The following PPP2R3A variants were observed in gnomAD, a reference collection of about 807,000 sequenced individuals.
PPP2R3A encodes the protein serine/threonine-protein phosphatase 2A regulatory subunit B'' subunit alpha.
PPP2R3A carries 80 observed loss-of-function variants against 106.9 expected under a neutral mutation model. The ratio of observed to expected loss-of-function variants is 0.75; its 90% confidence interval spans 0.62 to 0.90. PPP2R3A has a LOEUF of 0.90. PPP2R3A is among the 40% of genes least tolerant of loss of function. PPP2R3A has a pLI of 0.00. For missense variants in PPP2R3A, 1,386 were observed against 1,350.4 expected, an observed-to-expected ratio of 1.03 and a Z score of -0.41; for synonymous variants, 483 against 468.3, an observed-to-expected ratio of 1.03 and a Z score of -0.41.
At chr3:136,053,974 C>A (rs1314073534) in intron 5 of PPP2R3A, among the ~76,000 whole-genome samples, 1 of 151,878 alleles carries the variant, frequency 6.6e-6, no homozygotes, top group East Asian at 1.9e-4. Context: ...TAAAAAAACA[C>A]ATACACAGAA....
At chr3:136,010,572 G>A (rs1237924952) in intron 2 of PPP2R3A, among the ~76,000 whole-genome samples, 7 of 150,972 alleles carry the variant, frequency 4.6e-5, no homozygotes, top group African/African-American at 7.3e-5. Context: ...GACTACAGGC[G>A]CCCGCCACTA....
At chr3:136,018,461 T>C (rs996486808) in intron 2 of PPP2R3A, among the ~76,000 whole-genome samples, 2 of 152,224 alleles carry the variant, frequency 1.3e-5, no homozygotes, top group African/African-American at 4.8e-5. Flanking sequence ...AAAAGAATAT[T>C]ATAAATCACT....
At chr3:135,980,895 G>A (rs1211553199) in intron 1 of PPP2R3A, among the ~76,000 whole-genome samples, 6 of 151,826 alleles carry the variant, frequency 4.0e-5, no homozygotes, top group Non-Finnish European at 7.4e-5. Flanking sequence ...GAGTGGTAGC[G>A]GGGCATTTAC....
At chr3:135,967,933 A>T (rs2107741078) in intron 1 of PPP2R3A, among the ~76,000 whole-genome samples, 1 of 152,322 alleles carries the variant, frequency 6.6e-6, no homozygotes, top group Non-Finnish European at 1.5e-5. Flanking sequence ...AGGAATAGAT[A>T]CCAGTAGCAC....
At chr3:136,089,708 A>G (rs960554813) in intron 9 of PPP2R3A, among the ~76,000 whole-genome samples, 5 of 151,488 alleles carry the variant, frequency 3.3e-5, no homozygotes, top group African/African-American at 1.2e-4. Context: ...TGGCTATTTT[A>G]ACGATATTGA....
chr3:136,065,391 T>C (rs558223096), intron 5 of PPP2R3A, among the ~76,000 whole-genome samples: 1 of 152,252 alleles, frequency 6.6e-6, no homozygotes, highest in Admixed American at 6.5e-5. Flanking sequence ...GGTAGGTTAG[T>C]AGAATGTTTG....
At chr3:136,031,160 G>A (rs1386965113) in intron 3 of PPP2R3A, among the ~76,000 whole-genome samples, 1 of 151,938 alleles carries the variant, frequency 6.6e-6, no homozygotes, top group Non-Finnish European at 1.5e-5. Flanking sequence ...TTTTTTCAGG[G>A]GTAAGGTGGT....
intron 1 of PPP2R3A, among the ~76,000 whole-genome samples, chr3:135,986,236 C>T (rs569277057): frequency 2.0e-5 from 3 of 152,218 alleles, no homozygotes; most frequent in African/African-American, 7.2e-5. Flanking sequence ...CTGATAACTG[C>T]TCATGAGTCC....
intron 6 of PPP2R3A, among the ~76,000 whole-genome samples, chr3:136,071,351 T>C (rs957783788): frequency 5.9e-5 from 9 of 152,260 alleles, no homozygotes; most frequent in African/African-American, 1.9e-4. Context: ...ACTACTGTTT[T>C]CTTTTTCTCC....
In PPP2R3A at chr3:136,120,891, C is replaced by A. The variant is rs1045550284; in HGVS notation, c.3329+14569C>A. 3.9e-5 allele frequency among the ~76,000 whole-genome samples: 6 copies of A among 152,206 alleles called. No individual in the cohort carries two copies. In the East Asian group the frequency reaches 1.2e-3, roughly 29 times the overall value. On this transcript the variant is annotated intron_variant, in intron 13 of 13. Coordinates refer to ENST00000264977, the MANE Select transcript of PPP2R3A (RefSeq NM_002718.5). Reference sequence around the variant, plus strand: ...AACCACAATGAGATACTATCTCACACCAGTCAGAAGGGCTATTCTTAAAAA... The same window carrying A: ...AACCACAATGAGATACTATCTCACAACAGTCAGAAGGGCTATTCTTAAAAA...
chr3:136,011,246 C>A (rs1016772981), intron 2 of PPP2R3A, among the ~76,000 whole-genome samples: 13 of 152,028 alleles, frequency 8.6e-5, no homozygotes, highest in Admixed American at 4.6e-4. Flanking sequence ...ACACTTATCA[C>A]CCCCTGATAT....
At chr3:135,969,809 A>G (rs191468455) in intron 1 of PPP2R3A, among the ~76,000 whole-genome samples, 1 of 152,310 alleles carries the variant, frequency 6.6e-6, no homozygotes, top group Admixed American at 6.5e-5. Context: ...GTTTCTCTTT[A>G]AAAATGAGAA....
At chr3:136,087,849 C>T in intron 8 of PPP2R3A, 34 bp from the exon 9 acceptor site, 1 of 1,567,888 alleles carries the variant, frequency 6.4e-7, no homozygotes, top group Non-Finnish European at 8.7e-7. Flanking sequence ...ATGTTTCTAA[C>T]TAGCTTTGCA....
intron 13 of PPP2R3A, among the ~76,000 whole-genome samples, chr3:136,134,009 C>T (rs1938517366): frequency 6.6e-6 from 1 of 150,914 alleles, no homozygotes; most frequent in Admixed American, 6.6e-5. Context: ...AGCCAAAAAA[C>T]TTCAGCTTAT....
At chr3:136,138,548 G>A (rs1390959454) in intron 13 of PPP2R3A, among the ~76,000 whole-genome samples, 1 of 152,098 alleles carries the variant, frequency 6.6e-6, no homozygotes, top group Admixed American at 6.5e-5. Context: ...AGGAAATTCA[G>A]TGAACCAAAT....
At chr3:136,005,252 G>A (rs1453246257) in intron 2 of PPP2R3A, among the ~76,000 whole-genome samples, 8 of 151,944 alleles carry the variant, frequency 5.3e-5, no homozygotes, top group Admixed American at 4.6e-4. Flanking sequence ...TTTAGACTTG[G>A]GCCCCATCCC....
intron 5 of PPP2R3A, among the ~76,000 whole-genome samples, chr3:136,050,768 A>G (rs759844739): frequency 3.3e-5 from 5 of 152,062 alleles, no homozygotes; most frequent in Non-Finnish European, 7.4e-5. Flanking sequence ...ATGTTCCCTT[A>G]TGCTTTCCTA....
chr3:136,057,171 C>G (rs952093196), intron 5 of PPP2R3A, among the ~76,000 whole-genome samples: 2 of 152,054 alleles, frequency 1.3e-5, no homozygotes, highest in Admixed American at 6.6e-5. Context: ...AATAGAACTT[C>G]CATATGATCC....
chr3:136,011,143 T>C (rs963919819), intron 2 of PPP2R3A, among the ~76,000 whole-genome samples: 6 of 152,122 alleles, frequency 3.9e-5, no homozygotes, highest in Admixed American at 1.3e-4. Context: ...TGTAAAAATA[T>C]CACTTCACTG....
Sources: gnomAD v4.1 joint callset for allele counts (sites outside exome capture counted in the v4.1 genomes callset) on GRCh38, gnomAD v4.1.1 for gene constraint, MANE v1.5 for transcripts, NCBI Gene and HGNC (gene_info 2026-07-23, HGNC 2026-07-21) for gene names.